KIF14: variants seen among roughly 807,000 people sequenced by gnomAD.
KIF14 encodes kinesin family member 14, also known as kinesin-like protein KIF14.
A neutral mutation model predicts 176.2 loss-of-function variants in KIF14; 98 were observed. The observed-to-expected ratio is 0.56, with a 90% confidence interval of 0.47 to 0.66. The LOEUF (loss-of-function observed/expected upper bound fraction) is 0.66. KIF14 is among the 30% of genes least tolerant of loss of function. KIF14 has a pLI of 0.00. For synonymous variants in KIF14, 566 were observed against 632.2 expected, an observed-to-expected ratio of 0.90 and a Z score of 1.57; for missense variants, 1,751 against 1,920.4, an observed-to-expected ratio of 0.91 and a Z score of 1.65.
intron 18 of KIF14, 122 bp downstream of exon 18, chr1:200,589,095 A>G: frequency 1.4e-6 from 1 of 710,408 alleles, no homozygotes; most frequent in African/African-American, 1.8e-5. Flanking sequence ...TACTTTTCTC[A>G]TCTACACATC....
intron 25 of KIF14, among the ~76,000 whole-genome samples, chr1:200,561,253 A>G: frequency 6.9e-6 from 1 of 144,160 alleles, no homozygotes; most frequent in Non-Finnish European, 1.5e-5. Context: ...AAGAAAAAGA[A>G]AAATGTCCCG....
At position 200,600,880 on chromosome 1, in the gene KIF14, G is replaced by C. The variant is rs1659592494; in HGVS notation, c.2153-377C>G. ...GCCAAGATCAAAGATTTTTCAAGCT[G>C]GAATTCAGAATATTTATTTATTTAT... On this transcript the variant is annotated intron_variant, in intron 11 of 29. Transcript: ENST00000367350. 2.0e-5 allele frequency among the ~76,000 whole-genome samples: 3 copies of C among 152,226 alleles called. No homozygotes were observed. The South Asian group carries it at 6.2e-4, about 32-fold the overall frequency.
chr1:200,579,620 A>G (rs1658336131), intron 21 of KIF14, among the ~76,000 whole-genome samples: 2 of 148,196 alleles, frequency 1.3e-5, no homozygotes, highest in South Asian at 4.3e-4. Context: ...AAAAAAATAT[A>G]TATATATATA....
chr1:200,619,380 G>A (rs1353534528), intron 1 of KIF14, among the ~76,000 whole-genome samples: 9 of 151,544 alleles, frequency 5.9e-5, no homozygotes, highest in Admixed American at 2.0e-4. Flanking sequence ...TTGAGATGGA[G>A]TCTTGCTCTG....
At chr1:200,617,279 T>G (rs1481034107) in intron 2 of KIF14, among the ~76,000 whole-genome samples, 1 of 152,228 alleles carries the variant, frequency 6.6e-6, no homozygotes, top group Non-Finnish European at 1.5e-5. Context: ...GTTATGGCTC[T>G]TTTTAAGGGA....
chr1:200,568,878 T>C (rs1281884069), intron 23 of KIF14, among the ~76,000 whole-genome samples: 3 of 152,134 alleles, frequency 2.0e-5, no homozygotes, highest in Non-Finnish European at 4.4e-5. Flanking sequence ...AGTCATTCCT[T>C]CTTTTTTATT....
At chr1:200,556,787 G>A (rs2102558012) in intron 27 of KIF14, among the ~76,000 whole-genome samples, 1 of 152,324 alleles carries the variant, frequency 6.6e-6, no homozygotes, top group South Asian at 2.1e-4. Context: ...ATATGGTGAA[G>A]TGTTTTAGTG....
Position 200,560,767 on chromosome 1 carries a change from C to T in KIF14, c.4185G>A (p.Lys1395=). The T allele has an allele frequency of 1.2e-6, 2 of 1,614,186 alleles. No individual in the cohort carries two copies. Among genetic ancestry groups the T allele is most frequent in the South Asian group, 1.1e-5 (1 of 91,086 alleles). Residue 1395 remains lysine (K), a synonymous_variant, in exon 26 of 30, where the codon AAG becomes AAA. Transcript: ENST00000367350. ...VGQLAVLKGS[K]LHFLENGNNK... is the part of the protein sequence containing the mutation. ...TGTTACCGTTTTCTAGAAAATGTAG[C>T]TTGCTCCCTTTCAGAACTGCTAACT...
At chr1:200,596,201 T>C (rs547515518) in intron 14 of KIF14, among the ~76,000 whole-genome samples, 1 of 152,240 alleles carries the variant, frequency 6.6e-6, no homozygotes, top group East Asian at 1.9e-4. Context: ...TGAGCTGAGA[T>C]GGTGCCACTA....
chr1:200,618,226 A>C lies in KIF14; in HGVS notation c.498T>G (p.Ile166Met). ...CAAAAGAGTTTTTAGCATTATTTACAATCCTTACATTTGTTCTACTTTCCT... is the reference window on the plus strand; with the variant it reads ...CAAAAGAGTTTTTAGCATTATTTACCATCCTTACATTTGTTCTACTTTCCT... ...VSKESRTNVR[I>M]VNNAKNSFVA... The change falls in exon 2 of 30, where the codon ATT (isoleucine) becomes ATG (methionine). Residue 166 changes from isoleucine to methionine, a missense_variant. By Grantham distance (10) the Ile-to-Met change is conservative (BLOSUM62 1). Transcript: ENST00000367350. 1 of 1,613,938 alleles carries C rather than the reference A, an allele frequency of 6.2e-7. No individual in the cohort carries two copies. Among genetic ancestry groups the C allele is most frequent in the African/African-American group, 1.3e-5 (1 of 75,060 alleles).
Position 200,617,862 on chromosome 1 carries a change from T to G in KIF14, c.862A>C (p.Thr288Pro). 1 of 1,614,206 alleles carries G rather than the reference T, an allele frequency of 6.2e-7. No individual in the cohort carries two copies. The highest frequency in any genetic ancestry group is 8.5e-7 in the Non-Finnish European group (1 of 1,180,026). ...AGCTGAGGCAGGCTGCACTTTGTTG[T>G]CAGTTTGTGTTCTGTTGTACATTTT... ...PTKCTTEHKL[T>P]TKCSLPQLKS... Residue 288 changes from threonine to proline, a missense_variant, in exon 2 of 30, where the codon ACA (threonine) becomes CCA (proline). Physicochemically the swap from Thr to Pro is conservative, Grantham distance 38. Transcript: ENST00000367350.
At chr1:200,597,278 A>T (rs2102713598) in intron 14 of KIF14, among the ~76,000 whole-genome samples, 1 of 152,282 alleles carries the variant, frequency 6.6e-6, no homozygotes, top group Non-Finnish European at 1.5e-5. Context: ...AATCAAAGGC[A>T]CCAGAGAGAG....
intron 25 of KIF14, among the ~76,000 whole-genome samples, chr1:200,562,150 G>C (rs1657199661): frequency 6.6e-6 from 1 of 152,216 alleles, no homozygotes; most frequent in Non-Finnish European, 1.5e-5. Context: ...TTAGTAGAAA[G>C]TGTAGTCACT....
chr1:200,612,054 G>A (rs554861785), intron 4 of KIF14, among the ~76,000 whole-genome samples: 5 of 151,434 alleles, frequency 3.3e-5, no homozygotes, highest in African/African-American at 1.2e-4. Context: ...CCAGGCTGGA[G>A]TACAGTGGCA....
chr1:200,579,363 T>G (rs1381340114), intron 21 of KIF14, among the ~76,000 whole-genome samples: 1 of 151,918 alleles, frequency 6.6e-6, no homozygotes, highest in Non-Finnish European at 1.5e-5. Context: ...TCCCAGCACT[T>G]TGGGAAGCCA....
chr1:200,608,863 A>C lies in KIF14; in HGVS notation c.1521T>G (p.Val507=), dbSNP rs1365142595. Residue 507 remains valine, a synonymous_variant, in exon 5 of 30, where the codon GTT becomes GTG. Transcript: ENST00000367350. ...VYNEKIHDLL[V]CKDENGQRKQ... is the part of the protein sequence containing the mutation. ...TTCTCTGCCCATTTTCATCTTTACA[A>C]ACCAGAAGGTCGTGAATTTTTTCAT... 3.7e-6 allele frequency: 6 copies of C among 1,609,666 alleles called. No individual in the cohort carries two copies. The African/African-American group carries it at 5.3e-5, about 14-fold the overall frequency.
chr1:200,567,134 G>A (rs1011232618), intron 23 of KIF14, among the ~76,000 whole-genome samples: 1 of 150,992 alleles, frequency 6.6e-6, no homozygotes, highest in Non-Finnish European at 1.5e-5. Context: ...TCGCGCCATT[G>A]CACTCCAGCC....
At chr1:200,564,198 G>T (rs56047229) in intron 25 of KIF14, among the ~76,000 whole-genome samples, 80,095 of 148,836 alleles carry the variant, frequency 0.54, 22,124 homozygotes, top group East Asian at 0.69. Flanking sequence ...GGAGCAGAGG[G>T]GCAGTGAGCC....
chr1:200,567,522 A>C (rs1322746397), intron 23 of KIF14, among the ~76,000 whole-genome samples: 1 of 133,670 alleles, frequency 7.5e-6, no homozygotes, highest in Non-Finnish European at 1.6e-5. Context: ...AGACAGAGCG[A>C]GACTCCGTCT....
Sources: allele counts gnomAD v4.1 joint callset (sites outside exome capture counted in the v4.1 genomes callset), GRCh38; gene constraint gnomAD v4.1.1; transcripts MANE v1.5; gene names NCBI Gene and HGNC (gene_info 2026-07-23, HGNC 2026-07-21).